The following ARL15 variants were observed in gnomAD, a reference collection of about 807,000 sequenced individuals.
The protein encoded by ARL15 is ARF like GTPase 15, also known as ADP-ribosylation factor-like protein 15.
In ARL15, 19 loss-of-function variants were observed where a neutral mutation model predicts 25.2. The ratio of observed to expected loss-of-function variants is 0.75; its 90% CI spans 0.53 to 1.10. The LOEUF (loss-of-function observed/expected upper bound fraction) is 1.10, where lower values mean the gene tolerates loss of function less well. Ranked by LOEUF, ARL15 falls within the 50% of genes least tolerant of loss-of-function variation. ARL15 has a pLI of 0.00. For synonymous variants in ARL15, 94 were observed against 86.8 expected (o/e 1.08, Z -0.46); for missense variants, 220 against 246.0 (o/e 0.89, Z 0.71).
At chr5:54,244,185 A>G (rs555849643) in intron 1 of ARL15, among the ~76,000 whole-genome samples, 6 of 152,246 alleles carry the variant, frequency 3.9e-5, no homozygotes, top group Non-Finnish European at 8.8e-5. Context: ...GATTTCACCC[A>G]TAACTAATAA....
intron 1 of ARL15, among the ~76,000 whole-genome samples, chr5:54,307,476 A>G (rs1758784659): frequency 6.6e-6 from 1 of 152,188 alleles, no homozygotes; most frequent in Non-Finnish European, 1.5e-5. Flanking sequence ...GCAAATTTCT[A>G]TTCTTTCTCT....
intron 4 of ARL15, among the ~76,000 whole-genome samples, chr5:53,999,765 A>C (rs1748794129): frequency 6.6e-6 from 1 of 151,576 alleles, no homozygotes; most frequent in African/African-American, 2.4e-5. Context: ...GCGTGGTGGC[A>C]CATGCCTGTA....
intron 1 of ARL15, among the ~76,000 whole-genome samples, chr5:54,202,245 A>G (rs1579906280): frequency 6.6e-6 from 1 of 152,192 alleles, no homozygotes; most frequent in African/African-American, 2.4e-5. Flanking sequence ...AAAGATATCC[A>G]TATCCTAACC....
chr5:53,971,717 G>A (rs1213767222), intron 4 of ARL15, among the ~76,000 whole-genome samples: 1 of 152,126 alleles, frequency 6.6e-6, no homozygotes, highest in Non-Finnish European at 1.5e-5. Context: ...GTCTCCTTAT[G>A]CATGCCTTGG....
intron 4 of ARL15, among the ~76,000 whole-genome samples, chr5:54,031,433 A>C (rs567348317): frequency 1.3e-5 from 2 of 152,304 alleles, no homozygotes; most frequent in East Asian, 3.9e-4. Flanking sequence ...TTCAAGTTTT[A>C]TCTTGTGCAG....
chr5:54,229,447 G>A (rs920807455), intron 1 of ARL15, among the ~76,000 whole-genome samples: 2 of 152,088 alleles, frequency 1.3e-5, no homozygotes, highest in Non-Finnish European at 2.9e-5. Flanking sequence ...ATGAAAGCAA[G>A]CACACAAATC....
chr5:54,003,484 G>A (rs1748913040), intron 4 of ARL15, among the ~76,000 whole-genome samples: 1 of 152,152 alleles, frequency 6.6e-6, no homozygotes, highest in Non-Finnish European at 1.5e-5. Context: ...CAATTCTGCT[G>A]AAGGTCTTTC....
At chr5:54,144,758 A>G (rs1050719674) in intron 3 of ARL15, among the ~76,000 whole-genome samples, 6 of 152,156 alleles carry the variant, frequency 3.9e-5, no homozygotes, top group African/African-American at 1.2e-4. Context: ...TGGGCTTTCT[A>G]ACCCACCTGG....
rs560176646 is a variant in ARL15, at chr5:54,118,906, G to T, written c.254-5496C>A. Among the ~76,000 whole-genome samples the T allele has an allele frequency of 6.6e-5, 10 of 152,306 alleles. No individual in the cohort carries two copies. The East Asian group carries it at 1.2e-3, about 18-fold the overall frequency. ...CAAAGTTCTACGTACCATACAAACT[G>T]ATATGCCAGTTGCCCTCTCCTCACC... On this transcript the variant is annotated intron_variant, in intron 3 of 4. Coordinates refer to ENST00000504924, the MANE Select transcript of ARL15 (RefSeq NM_019087.3).
At chr5:54,044,283 G>A (rs996591769) in intron 4 of ARL15, among the ~76,000 whole-genome samples, 31 of 130,372 alleles carry the variant, frequency 2.4e-4, no homozygotes, top group Non-Finnish European at 4.2e-4. Context: ...TTATTCTGTC[G>A]CCCAGGCTGG....
intron 4 of ARL15, among the ~76,000 whole-genome samples, chr5:54,082,629 G>A (rs1239415598): frequency 1.3e-5 from 2 of 152,106 alleles, no homozygotes; most frequent in African/African-American, 4.8e-5. Context: ...ATAGGAAGAA[G>A]CCCTCACACC....
chr5:54,105,502 A>C (rs1752561578), intron 4 of ARL15, among the ~76,000 whole-genome samples: 1 of 152,248 alleles, frequency 6.6e-6, no homozygotes, highest in South Asian at 2.1e-4. Flanking sequence ...CATACAAAGT[A>C]TTAAATATAA....
chr5:54,020,043 T>C (rs937523874), intron 4 of ARL15, among the ~76,000 whole-genome samples: 8 of 152,350 alleles, frequency 5.3e-5, no homozygotes, highest in Non-Finnish European at 4.4e-5. Flanking sequence ...AAACTAAATA[T>C]ATCTGTAGAT....
At chr5:54,216,798 T>C (rs1403064743) in intron 1 of ARL15, among the ~76,000 whole-genome samples, 2 of 152,194 alleles carry the variant, frequency 1.3e-5, no homozygotes, top group African/African-American at 2.4e-5. Context: ...TTCTAGTTTA[T>C]ACAGTAGTTA....
intron 1 of ARL15, among the ~76,000 whole-genome samples, chr5:54,283,440 A>AATTCTAAACGT (rs1610936): frequency 6.6e-6 from 1 of 152,090 alleles, no homozygotes; most frequent in African/African-American, 2.4e-5. Context: ...ACTTTCAAAT[A>AATTCTAAACGT]TCAACGGTGC....
chr5:54,231,073 C>T (rs1756657560), intron 1 of ARL15, among the ~76,000 whole-genome samples: 1 of 152,102 alleles, frequency 6.6e-6, no homozygotes, highest in South Asian at 2.1e-4. Context: ...TTTCTGGTCT[C>T]CAGCACTGTA....
intron 1 of ARL15, among the ~76,000 whole-genome samples, chr5:54,215,656 A>G (rs1208355931): frequency 1.3e-5 from 2 of 151,934 alleles, no homozygotes; most frequent in African/African-American, 4.8e-5. Context: ...ATATTTAATG[A>G]GCTTGGGCTT....
intron 1 of ARL15, among the ~76,000 whole-genome samples, chr5:54,179,556 T>A (rs754974601): frequency 1.3e-5 from 2 of 152,074 alleles, no homozygotes; most frequent in African/African-American, 2.4e-5. Flanking sequence ...AATAGCATCC[T>A]TAAGATTCTT....
chr5:53,981,754 C>T (rs534533898), intron 4 of ARL15, among the ~76,000 whole-genome samples: 4 of 151,824 alleles, frequency 2.6e-5, no homozygotes, highest in Non-Finnish European at 5.9e-5. Flanking sequence ...AAAAAATCAG[C>T]CAGGCATGGT....
Sources: allele counts gnomAD v4.1 joint callset (sites outside exome capture counted in the v4.1 genomes callset), GRCh38; gene constraint gnomAD v4.1.1; transcripts MANE v1.5; gene names NCBI Gene and HGNC (gene_info 2026-07-23, HGNC 2026-07-21).